Variants in SOX5 observed in about 807,000 individuals in gnomAD.
SOX5 encodes the protein SRY-box transcription factor 5.
In SOX5, 9 loss-of-function variants were observed where a neutral mutation model predicts 92.0. That is an observed-to-expected ratio of 0.10 (90% CI 0.06 to 0.17). The LOEUF (loss-of-function observed/expected upper bound fraction) is 0.17. Ranked by LOEUF, SOX5 falls within the 10% of genes least tolerant of loss-of-function variation. The probability of loss-of-function intolerance (pLI) is 1.00; values close to 1 mark genes in which losing one functional copy is unlikely to be tolerated. For missense variants in SOX5, 642 were observed against 944.5 expected (o/e 0.68, Z 4.20); for synonymous variants, 344 against 336.3 (o/e 1.02, Z -0.25).
intron 2 of SOX5, among the ~76,000 whole-genome samples, chr12:23,850,281 T>G (rs1238376081): frequency 6.6e-6 from 1 of 151,704 alleles, no homozygotes; most frequent in Non-Finnish European, 1.5e-5. Flanking sequence ...ATACAAAAAT[T>G]AGCTGGGCGT....
intron 3 of SOX5, among the ~76,000 whole-genome samples, chr12:23,804,759 G>A (rs183670174): frequency 2.1e-3 from 317 of 151,306 alleles, no homozygotes; most frequent in African/African-American, 7.2e-3. Flanking sequence ...GACCACCTTC[G>A]ATGACTAATT....
chr12:23,767,721 G>C (rs962598322), intron 3 of SOX5, among the ~76,000 whole-genome samples: 6 of 151,802 alleles, frequency 4.0e-5, no homozygotes, highest in Non-Finnish European at 8.8e-5. Flanking sequence ...ATAAATATTC[G>C]AAAGGATAAT....
At chr12:23,548,480 A>G (rs1288968936) in intron 11 of SOX5, among the ~76,000 whole-genome samples, 1 of 152,072 alleles carries the variant, frequency 6.6e-6, no homozygotes, top group African/African-American at 2.4e-5. Flanking sequence ...GGAAGTCAAC[A>G]CAGTAAGCTG....
At chr12:24,405,435 T>C (rs1388882364) in intron 1 of SOX5, among the ~76,000 whole-genome samples, 1 of 152,088 alleles carries the variant, frequency 6.6e-6, no homozygotes, top group African/African-American at 2.4e-5. Context: ...TGAGGGGGTG[T>C]CAGTTAATAA....
intron 6 of SOX5, among the ~76,000 whole-genome samples, chr12:23,708,209 G>C (rs2091652941): frequency 6.6e-6 from 1 of 150,830 alleles, no homozygotes; most frequent in African/African-American, 2.4e-5. Context: ...GAAAATTTGG[G>C]AACTATTTAT....
intron 6 of SOX5, among the ~76,000 whole-genome samples, chr12:23,671,241 C>A (rs563697911): frequency 2.0e-5 from 3 of 152,152 alleles, no homozygotes; most frequent in African/African-American, 4.8e-5. Context: ...TGAAAGGCAG[C>A]TCTATGGTTT....
chr12:23,988,504 T>A (rs927716156), intron 4 of SOX5, among the ~76,000 whole-genome samples: 1 of 152,128 alleles, frequency 6.6e-6, no homozygotes, highest in Non-Finnish European at 1.5e-5. Context: ...GATATGTGCA[T>A]CTAAGGTCAA....
chr12:24,131,508 A>T (rs1045077625), intron 4 of SOX5, among the ~76,000 whole-genome samples: 2 of 152,204 alleles, frequency 1.3e-5, no homozygotes, highest in Non-Finnish European at 2.9e-5. Flanking sequence ...ATACCACTTG[A>T]TTACATTTCA....
chr12:23,691,821 C>T (rs998392397), intron 6 of SOX5, among the ~76,000 whole-genome samples: 1 of 152,086 alleles, frequency 6.6e-6, no homozygotes, highest in Non-Finnish European at 1.5e-5. Context: ...CCTTTGGCTC[C>T]AATAAGCTTG....
chr12:23,688,344 C>T (rs1366670126), intron 6 of SOX5, among the ~76,000 whole-genome samples: 1 of 152,070 alleles, frequency 6.6e-6, no homozygotes, highest in Non-Finnish European at 1.5e-5. Flanking sequence ...AACATCTTCA[C>T]TTAATCAAAT....
At chr12:24,177,060 T>C (rs986034070) in intron 4 of SOX5, among the ~76,000 whole-genome samples, 1 of 151,102 alleles carries the variant, frequency 6.6e-6, no homozygotes, top group African/African-American at 2.4e-5. Flanking sequence ...TTTATTCAAA[T>C]CCATGTTGTG....
chr12:24,535,659 G>A (rs1951577237), intron 1 of SOX5, among the ~76,000 whole-genome samples: 1 of 152,178 alleles, frequency 6.6e-6, no homozygotes, highest in Non-Finnish European at 1.5e-5. Context: ...CTGGGTAAGC[G>A]CAGTCACTGT....
intron 2 of SOX5, among the ~76,000 whole-genome samples, chr12:24,306,295 A>G (rs1948556256): frequency 6.6e-6 from 1 of 152,220 alleles, no homozygotes. Context: ...GACCTGGCAC[A>G]GCAGTTCAAA....
chr12:24,142,348 T>C (rs947941946), intron 4 of SOX5, among the ~76,000 whole-genome samples: 6 of 152,252 alleles, frequency 3.9e-5, no homozygotes, highest in African/African-American at 1.4e-4. Flanking sequence ...GGGATTGTTT[T>C]CAACACCATG....
chr12:24,035,350 A>G (rs989848070), intron 4 of SOX5, among the ~76,000 whole-genome samples: 1 of 152,136 alleles, frequency 6.6e-6, no homozygotes, highest in African/African-American at 2.4e-5. Flanking sequence ...ATATACACAC[A>G]GTAGGCACAT....
intron 1 of SOX5, among the ~76,000 whole-genome samples, chr12:24,431,844 T>C (rs1324271101): frequency 6.6e-6 from 1 of 152,194 alleles, no homozygotes; most frequent in Admixed American, 6.5e-5. Context: ...TAGTTGACGA[T>C]GCATTTCTTG....
intron 4 of SOX5, among the ~76,000 whole-genome samples, chr12:24,204,760 T>A (rs952301890): frequency 5.3e-5 from 8 of 152,204 alleles, no homozygotes; most frequent in Non-Finnish European, 1.2e-4. Context: ...AAGGCTTGTA[T>A]CACTTTGCAT....
chr12:23,740,842 G>A, intron 5 of SOX5, 25 bp downstream of exon 5: 1 of 1,588,418 alleles, frequency 6.3e-7, no homozygotes, highest in Non-Finnish European at 8.6e-7. Context: ...TGAGGAATAT[G>A]ACTGCATCGC....
chr12:24,055,248 C>T (rs1447570012), intron 4 of SOX5, among the ~76,000 whole-genome samples: 4 of 152,198 alleles, frequency 2.6e-5, no homozygotes, highest in Admixed American at 2.6e-4. Flanking sequence ...TCCAAAAACT[C>T]CTTCAAGGAA....
Sources: allele counts gnomAD v4.1 joint callset (sites outside exome capture counted in the v4.1 genomes callset), GRCh38; gene constraint gnomAD v4.1.1; transcripts MANE v1.5; gene names NCBI Gene and HGNC (gene_info 2026-07-23, HGNC 2026-07-21).